PLA2G12A: variants seen among roughly 807,000 people sequenced by gnomAD.
PLA2G12A encodes group XIIA secretory phospholipase A2.
Under a neutral mutation model 16.0 loss-of-function variants are expected in PLA2G12A, and 11 were observed. The ratio of observed to expected loss-of-function variants is 0.69; its 90% CI spans 0.43 to 1.13. The LOEUF (loss-of-function observed/expected upper bound fraction) is 1.13. Ranked by LOEUF, PLA2G12A falls within the 50% of genes most tolerant of loss-of-function variation. The pLI is 0.00. For synonymous variants in PLA2G12A, 77 were observed against 93.8 expected, an observed-to-expected ratio of 0.82 and a Z score of 1.03; for missense variants, 214 against 237.3, an observed-to-expected ratio of 0.90 and a Z score of 0.65.
At chr4:109,724,958 T>G (rs1186994467) in intron 1 of PLA2G12A, among the ~76,000 whole-genome samples, 1 of 152,158 alleles carries the variant, frequency 6.6e-6, no homozygotes, top group African/African-American at 2.4e-5. Context: ...ATGTGTATGG[T>G]TCTTTAGTTT....
rs1185783236 is a variant in PLA2G12A, at chr4:109,718,715, T to G, written c.253A>C (p.Asn85His). ...CCAAACAGTGGAGAGCCACATCCAT[T>G]CGGTGGGGAGGGTTTATAACCATAA... is the stretch of plus-strand genomic sequence containing the variant. Reference protein sequence around the residue: ...PRYGYKPSPPNGCGSPLFGVH... With the variant: ...PRYGYKPSPPHGCGSPLFGVH... Residue 85 changes from asparagine to histidine, a missense_variant, in exon 2 of 4, where the codon AAT becomes CAT. Asn to His is a moderately conservative substitution (Grantham distance 68, BLOSUM62 1). Coordinates refer to ENST00000243501, the MANE Select transcript of PLA2G12A (RefSeq NM_030821.5). The G allele has an allele frequency of 1.2e-6, 2 of 1,603,288 alleles. No homozygotes were observed. The highest frequency in any genetic ancestry group is 1.7e-6 in the Non-Finnish European group (2 of 1,173,784).
intron 1 of PLA2G12A, among the ~76,000 whole-genome samples, chr4:109,721,707 T>C (rs1460860477): frequency 1.3e-5 from 2 of 152,200 alleles, no homozygotes; most frequent in African/African-American, 2.4e-5. Flanking sequence ...CATCTCAAAC[T>C]TAAGCTGTCC....
intron 3 of PLA2G12A, among the ~76,000 whole-genome samples, chr4:109,715,113 A>G (rs951777681): frequency 6.6e-6 from 1 of 152,124 alleles, no homozygotes; most frequent in African/African-American, 2.4e-5. Context: ...GCCTGGCCCA[A>G]TTGTTTAAAC....
intron 1 of PLA2G12A, among the ~76,000 whole-genome samples, chr4:109,722,941 G>T (rs775906627): frequency 6.6e-6 from 1 of 152,152 alleles, no homozygotes; most frequent in African/African-American, 2.4e-5. Flanking sequence ...GACTTGGAAG[G>T]CTTGGAATAT....
chr4:109,721,937 C>G (rs919306580), intron 1 of PLA2G12A, among the ~76,000 whole-genome samples: 4 of 152,204 alleles, frequency 2.6e-5, no homozygotes, highest in Non-Finnish European at 4.4e-5. Context: ...ACTACCAATC[C>G]TGCTCCAAGC....
At chr4:109,721,839 CTT>C (rs2126167844) in intron 1 of PLA2G12A, among the ~76,000 whole-genome samples, 1 of 152,204 alleles carries the variant, frequency 6.6e-6, no homozygotes, top group South Asian at 2.1e-4. Context: ...TTCTTACGTT[CTT>C]ATACCCCACA....
Position 109,714,352 on chromosome 4 carries a change from C to T in PLA2G12A, c.*25G>A, listed in dbSNP as rs369693715. The stretch of plus-strand genomic sequence containing the variant: ...CAAAGGTATGTTCTTCCATCTTCAT[C>T]TGTCACTAGCTGTCGGCATCTCCTT... On this transcript the variant is annotated 3_prime_UTR_variant, in exon 4 of 4. Coordinates refer to ENST00000243501, the MANE Select transcript of PLA2G12A (RefSeq NM_030821.5). The T allele has an allele frequency of 5.8e-6, 8 of 1,390,392 alleles. No homozygotes were observed. The South Asian group carries it at 8.1e-5, about 14-fold the overall frequency. The allele number at this position is 1,390,392 out of a possible 1,614,324, so 86.1% of individuals were successfully genotyped here.
intron 1 of PLA2G12A, among the ~76,000 whole-genome samples, chr4:109,727,396 C>T (rs972820078): frequency 5.3e-5 from 8 of 152,266 alleles, no homozygotes; most frequent in African/African-American, 1.7e-4. Flanking sequence ...CAGGCATGAG[C>T]CATTACGTCC....
intron 1 of PLA2G12A, among the ~76,000 whole-genome samples, chr4:109,725,086 C>T (rs543124228): frequency 1.2e-4 from 18 of 152,064 alleles, no homozygotes; most frequent in Admixed American, 2.0e-4. Flanking sequence ...TAACATTAGT[C>T]GGTTTCTATG....
At chr4:109,714,680 G>A (rs1241448302) in intron 3 of PLA2G12A, among the ~76,000 whole-genome samples, 185 bp from the exon 4 acceptor site, 1 of 150,180 alleles carries the variant, frequency 6.7e-6, no homozygotes, top group East Asian at 2.0e-4. Flanking sequence ...CAGATTTCCA[G>A]TTTTAGTCTC....
At chr4:109,726,753 G>A (rs1426483995) in intron 1 of PLA2G12A, among the ~76,000 whole-genome samples, 1 of 152,090 alleles carries the variant, frequency 6.6e-6, no homozygotes, top group Non-Finnish European at 1.5e-5. Context: ...AAAAGTTGAA[G>A]AAAATAACGG....
In PLA2G12A at chr4:109,714,878, T is replaced by G. The variant is rs553740465; in HGVS notation, c.452-383A>C. Among the ~76,000 whole-genome samples, 4 of 152,072 alleles carry G rather than the reference T, an allele frequency of 2.6e-5. No individual in the cohort carries two copies. In the South Asian group the frequency reaches 8.3e-4, roughly 32 times the overall value. On this transcript the variant is annotated intron_variant, in intron 3 of 3. Transcript: ENST00000243501. ...GCCTCCTGAGTAGCTGGCATTACCATGGCCAGCTCATTTTTAATTTAAATT... is the reference window on the plus strand; with the variant it reads ...GCCTCCTGAGTAGCTGGCATTACCAGGGCCAGCTCATTTTTAATTTAAATT...
chr4:109,729,919 C>A lies in PLA2G12A; in HGVS notation c.-110G>T. 1.1e-6 allele frequency: 1 copy of A among 895,480 alleles called. No homozygotes were observed. Among genetic ancestry groups the A allele is most frequent in the Non-Finnish European group, 1.6e-6 (1 of 618,482 alleles). The allele number at this position is 895,480 out of a possible 1,614,324, so 55.5% of individuals were successfully genotyped here. A position where few individuals can be genotyped will look rare whatever the true frequency, so the allele number is the denominator to read the frequency against. ...CGCGGGCCCCGGACTTGGCAGCAGC[C>A]AGCTCCATATCCACGCCTCCTTCCC... On this transcript the variant is annotated 5_prime_UTR_variant, in exon 1 of 4. Transcript: ENST00000243501.
At chr4:109,726,532 C>G (rs1055853669) in intron 1 of PLA2G12A, among the ~76,000 whole-genome samples, 1 of 152,138 alleles carries the variant, frequency 6.6e-6, no homozygotes, top group Non-Finnish European at 1.5e-5. Context: ...CTCCTGCATG[C>G]GTCACCCTGC....
intron 1 of PLA2G12A, among the ~76,000 whole-genome samples, chr4:109,729,337 A>G (rs1249674909): frequency 2.7e-5 from 4 of 148,400 alleles, no homozygotes; most frequent in African/African-American, 9.9e-5. Flanking sequence ...GGGGGGGAAA[A>G]GGTAATTCAG....
At position 109,714,033 on chromosome 4, in the gene PLA2G12A, G is replaced by C; in HGVS notation, c.*344C>G. The C allele has an allele frequency of 5.2e-6, 1 of 192,224 alleles. No individual in the cohort carries two copies. The highest frequency in any genetic ancestry group is 1.2e-4 in the East Asian group (1 of 8,038). The allele number at this position is 192,224 out of a possible 1,614,324, so 11.9% of individuals were successfully genotyped here. A position where few individuals can be genotyped will look rare whatever the true frequency, so the allele number is the denominator to read the frequency against. ...AGACATTATGATGAATTTTATATTT[G>C]ATCTCTTTTTTTGGTAAATGTGGTT... On this transcript the variant is annotated 3_prime_UTR_variant, in exon 4 of 4. Coordinates refer to ENST00000243501, the MANE Select transcript of PLA2G12A (RefSeq NM_030821.5).
chr4:109,725,825 G>C (rs1375271932), intron 1 of PLA2G12A, among the ~76,000 whole-genome samples: 1 of 152,146 alleles, frequency 6.6e-6, no homozygotes, highest in African/African-American at 2.4e-5. Flanking sequence ...TAGTCTGCTG[G>C]GTCACACAAA....
At chr4:109,726,696 A>T in intron 1 of PLA2G12A, among the ~76,000 whole-genome samples, 1 of 152,200 alleles carries the variant, frequency 6.6e-6, no homozygotes. Flanking sequence ...TTTTCAAAGG[A>T]AATCGAAAAG....
At chr4:109,715,462 A>C (rs2126166358) in intron 3 of PLA2G12A, among the ~76,000 whole-genome samples, 1 of 75,006 alleles carries the variant, frequency 1.3e-5, no homozygotes, top group South Asian at 5.6e-4. Context: ...TATTTTATTT[A>C]TTTATTTATT....
Sources: allele counts gnomAD v4.1 joint callset (sites outside exome capture counted in the v4.1 genomes callset), GRCh38; gene constraint gnomAD v4.1.1; transcripts MANE v1.5; gene names NCBI Gene and HGNC (gene_info 2026-07-23, HGNC 2026-07-21).